CHCHD3: variants seen among roughly 807,000 people sequenced by gnomAD.
CHCHD3 encodes the protein MICOS complex subunit MIC19.
CHCHD3 carries 20 observed loss-of-function variants against 38.2 expected under a neutral mutation model. The ratio of observed to expected loss-of-function variants is 0.52; its 90% CI spans 0.37 to 0.76. The LOEUF is 0.76. Among genes scored for constraint, CHCHD3 ranks in the 30% least tolerant of loss-of-function variants. The pLI, the probability that CHCHD3 is intolerant of heterozygous loss-of-function variation, is 0.00. For missense variants in CHCHD3, 245 were observed against 279.2 expected (o/e 0.88, Z 0.87); for synonymous variants, 82 against 100.0 (o/e 0.82, Z 1.07).
At chr7:132,976,929 T>A (rs1410435766) in intron 3 of CHCHD3, among the ~76,000 whole-genome samples, 3 of 152,060 alleles carry the variant, frequency 2.0e-5, no homozygotes, top group African/African-American at 7.3e-5. Flanking sequence ...TAGTTTTGTG[T>A]CTTAAATAAA....
At chr7:133,027,362 TAA>T (rs1491353079) in intron 2 of CHCHD3, among the ~76,000 whole-genome samples, 29 of 95,900 alleles carry the variant, frequency 3.0e-4, no homozygotes, top group South Asian at 1.2e-3. Flanking sequence ...TAATAAGTTG[TAA>T]GAGAGAGAGA....
intron 2 of CHCHD3, among the ~76,000 whole-genome samples, chr7:133,051,426 T>C (rs1357034997): frequency 6.6e-6 from 1 of 152,186 alleles, no homozygotes; most frequent in Admixed American, 6.5e-5. Context: ...ACTACTATTT[T>C]TTCCCTAATT....
intron 2 of CHCHD3, among the ~76,000 whole-genome samples, chr7:133,065,140 G>A (rs1161426228): frequency 1.3e-5 from 2 of 152,102 alleles, no homozygotes; most frequent in Non-Finnish European, 2.9e-5. Context: ...CAATATAGTT[G>A]AGATAACGCA....
At chr7:132,982,061 TC>T (rs1811932281) in intron 3 of CHCHD3, among the ~76,000 whole-genome samples, 1 of 152,194 alleles carries the variant, frequency 6.6e-6, no homozygotes, top group Non-Finnish European at 1.5e-5. Flanking sequence ...CTGTTTACCA[TC>T]CATTTTTAAA....
In CHCHD3 at chr7:132,927,568, C is replaced by T. The variant is rs1810406344; in HGVS notation, c.370-41823G>A. 2.0e-5 allele frequency among the ~76,000 whole-genome samples: 3 copies of T among 152,202 alleles called. No homozygotes were observed. The South Asian group carries it at 6.2e-4, about 32-fold the overall frequency. ...GATGGAAGCGATTGGTTAAAAACAG[C>T]TTGAATTTCTAAAGCATGTGTTATT... On this transcript the variant is annotated intron_variant, in intron 4 of 7. Transcript: ENST00000262570.
chr7:132,821,947 A>G (rs1807389135), intron 6 of CHCHD3, among the ~76,000 whole-genome samples: 3 of 151,900 alleles, frequency 2.0e-5, no homozygotes, highest in Non-Finnish European at 2.9e-5. Context: ...TATTTTTAGT[A>G]GAGACGGGGT....
intron 4 of CHCHD3, among the ~76,000 whole-genome samples, chr7:132,965,873 T>C (rs1287438875): frequency 6.6e-6 from 1 of 152,198 alleles, no homozygotes; most frequent in Non-Finnish European, 1.5e-5. Context: ...TTTGTAATCA[T>C]TTGTCATAAA....
chr7:132,799,957 C>T (rs1358315434), intron 6 of CHCHD3, among the ~76,000 whole-genome samples: 1 of 152,086 alleles, frequency 6.6e-6, no homozygotes, highest in Non-Finnish European at 1.5e-5. Flanking sequence ...GCTGACAGTA[C>T]CAAAGGTAGA....
At chr7:132,835,533 G>T (rs1452839613) in intron 6 of CHCHD3, among the ~76,000 whole-genome samples, 1 of 152,174 alleles carries the variant, frequency 6.6e-6, no homozygotes, top group Non-Finnish European at 1.5e-5. Flanking sequence ...TCAACGTTGT[G>T]CTTCCCGTGG....
intron 3 of CHCHD3, among the ~76,000 whole-genome samples, chr7:132,998,668 G>A (rs1480699825): frequency 6.6e-6 from 1 of 152,104 alleles, no homozygotes; most frequent in Non-Finnish European, 1.5e-5. Flanking sequence ...ACATCAACAT[G>A]TCATTTTGAT....
chr7:133,078,411 C>T (rs1041984921), intron 1 of CHCHD3, among the ~76,000 whole-genome samples: 1 of 152,088 alleles, frequency 6.6e-6, no homozygotes, highest in Non-Finnish European at 1.5e-5. Flanking sequence ...CCTGGTGGAG[C>T]GGCACATGCC....
intron 3 of CHCHD3, among the ~76,000 whole-genome samples, chr7:132,985,879 G>C (rs1011812068): frequency 9.6e-5 from 12 of 124,692 alleles, no homozygotes; most frequent in Non-Finnish European, 1.2e-4. Flanking sequence ...CCCTCTGCCC[G>C]GCCACCACCC....
chr7:132,799,009 G>C (rs1206435673), intron 6 of CHCHD3, among the ~76,000 whole-genome samples: 2 of 16,606 alleles, frequency 1.2e-4, no homozygotes, highest in Non-Finnish European at 2.6e-4. Flanking sequence ...GATCTGTTCT[G>C]TGTGTGTGTG....
chr7:133,037,856 A>G (rs1336023267), intron 2 of CHCHD3, among the ~76,000 whole-genome samples: 4 of 152,144 alleles, frequency 2.6e-5, no homozygotes, highest in African/African-American at 9.7e-5. Flanking sequence ...TGCCAAAATG[A>G]TACTAATGAT....
chr7:133,076,848 C>A (rs747181323), intron 1 of CHCHD3, among the ~76,000 whole-genome samples: 20 of 152,204 alleles, frequency 1.3e-4, no homozygotes, highest in Admixed American at 8.5e-4. Flanking sequence ...ATAAATCAGC[C>A]TCCTGCCTCC....
intron 3 of CHCHD3, among the ~76,000 whole-genome samples, chr7:132,989,360 A>T (rs1812208805): frequency 6.6e-6 from 1 of 152,082 alleles, no homozygotes; most frequent in South Asian, 2.1e-4. Context: ...TTTTGTTGCA[A>T]TCTGGAAATA....
chr7:132,876,054 T>G (rs1808889246), intron 5 of CHCHD3, among the ~76,000 whole-genome samples: 1 of 152,252 alleles, frequency 6.6e-6, no homozygotes, highest in African/African-American at 2.4e-5. Flanking sequence ...AAGAGCACTT[T>G]CTAACAGAAG....
intron 4 of CHCHD3, among the ~76,000 whole-genome samples, chr7:132,922,611 A>T (rs2117240810): frequency 1.3e-5 from 2 of 151,402 alleles, no homozygotes; most frequent in Middle Eastern, 6.8e-3. Flanking sequence ...ATAAACTTTG[A>T]TCAAAATGTC....
intron 3 of CHCHD3, among the ~76,000 whole-genome samples, chr7:133,015,348 T>TTAAATAAATAAATAAATAAA (rs3049326): frequency 6.9e-5 from 10 of 143,986 alleles, no homozygotes; most frequent in Middle Eastern, 7.1e-3. Context: ...GTCTCAAAAA[T>TTAAATAAATAAATAAATAAA]TAAATAAATA....
Sources: allele counts gnomAD v4.1 joint callset (sites outside exome capture counted in the v4.1 genomes callset), GRCh38; gene constraint gnomAD v4.1.1; transcripts MANE v1.5; gene names NCBI Gene and HGNC (gene_info 2026-07-23, HGNC 2026-07-21).